Variants in CT55 observed in about 807,000 individuals in gnomAD.
CT55 encodes the protein BRCA2-interacting protein.
Under a neutral mutation model 12.6 loss-of-function variants are expected in CT55, and 1 was observed. The ratio of observed to expected loss-of-function variants is 0.08; its 90% confidence interval spans 0.03 to 0.38. CT55 has a LOEUF of 0.38. CT55 is among the 10% of genes least tolerant of loss of function. The pLI is 0.99. For missense variants in CT55, 109 were observed against 135.4 expected (o/e 0.80, Z 0.97); for synonymous variants, 43 against 49.7 (o/e 0.87, Z 0.57).
At chrX:135,162,731 T>A (rs1280665464) in intron 2 of CT55, among the ~76,000 whole-genome samples, 2 of 111,550 alleles carry the variant, frequency 1.8e-5, no homozygotes, top group African/African-American at 6.5e-5. Context: ...CCATGGCCCC[T>A]GACTCTCAGA....
chrX:135,160,301 C>T, intron 3 of CT55, 110 bp downstream of exon 3: 1 of 783,979 alleles, frequency 1.3e-6, no homozygotes, highest in Non-Finnish European at 1.8e-6. Flanking sequence ...CTACCTCTAA[C>T]ACTGAAGAGC....
intron 2 of CT55, among the ~76,000 whole-genome samples, chrX:135,161,661 T>C (rs1246531324): frequency 8.9e-6 from 1 of 112,399 alleles, no homozygotes; most frequent in Admixed American, 9.4e-5. Flanking sequence ...GACTTAACTA[T>C]AGGATAAAAT....
rs782006348 is a variant in CT55, at chrX:135,158,360, C to T, written c.425-49G>A. On this transcript the variant is annotated intron_variant, in intron 3 of 5. Coordinates refer to ENST00000276241, the MANE Select transcript of CT55 (RefSeq NM_001031705.3). ...GAGTGTCATGATCTCTTAACTAGGT[C>T]ACTTTTAATTTCACATGTTATTTGA... 6 of 781,710 alleles carry T rather than the reference C, an allele frequency of 7.7e-6. No homozygotes were observed. The East Asian group carries it at 1.3e-4, about 17-fold the overall frequency. 64.4% of individuals were successfully genotyped at this position (781,710 alleles called of 1,213,427 possible).
Position 135,171,187 on chromosome X carries a change from C to T in CT55, c.-16G>A, listed in dbSNP as rs1556406771. ...GCCTGAGCATCGTCCCAGTTGTCAC[C>T]ACCGGCCTGGGCACCGCTTGTGGCA... On this transcript the variant is annotated 5_prime_UTR_variant, in exon 1 of 6. Coordinates refer to ENST00000276241, the MANE Select transcript of CT55 (RefSeq NM_001031705.3). The T allele has an allele frequency of 8.3e-7, 1 of 1,210,850 alleles. No homozygotes were observed. The highest frequency in any genetic ancestry group is 1.8e-5 in the South Asian group (1 of 56,738).
At position 135,169,942 on chromosome X, in the gene CT55, T is replaced by C. The variant is rs140588631; in HGVS notation, c.95-164A>G. 3.2e-3 allele frequency among the ~76,000 whole-genome samples: 359 copies of C among 112,080 alleles called. 3 individuals are homozygous for C. Among genetic ancestry groups the C allele is most frequent in the African/African-American group, 0.011 (335 of 30,908 alleles). ...CCACAACAATCACAATTTCGCCTAA[T>C]AGGGTTGTTGTAGGTTTTTAAAATA... is the stretch of plus-strand genomic sequence containing the variant. On this transcript the variant is annotated intron_variant, in intron 1 of 5. Transcript: ENST00000276241.
At chrX:135,164,903 C>T (rs1303814365) in intron 2 of CT55, among the ~76,000 whole-genome samples, 2 of 111,756 alleles carry the variant, frequency 1.8e-5, no homozygotes, top group Admixed American at 9.5e-5. Flanking sequence ...AAAATATGCA[C>T]CCAACATAGC....
At chrX:135,163,916 A>G (rs556477444) in intron 2 of CT55, among the ~76,000 whole-genome samples, 1 of 110,688 alleles carries the variant, frequency 9.0e-6, no homozygotes. Context: ...TACTTTAGGA[A>G]CACAAGGAAA....
chrX:135,161,246 T>C (rs782022986), intron 2 of CT55, among the ~76,000 whole-genome samples: 1 of 111,830 alleles, frequency 8.9e-6, no homozygotes, highest in South Asian at 3.8e-4. Context: ...GGAAGTGTAA[T>C]AGTCCTTATT....
intron 2 of CT55, among the ~76,000 whole-genome samples, chrX:135,168,463 A>G (rs1214487251): frequency 1.8e-5 from 2 of 111,806 alleles, no homozygotes; most frequent in Admixed American, 1.9e-4. Flanking sequence ...CAGAGGAATG[A>G]GAAGATGTTG....
chrX:135,158,822 T>C (rs192844304), intron 3 of CT55, among the ~76,000 whole-genome samples: 14 of 112,470 alleles, frequency 1.2e-4, no homozygotes, highest in African/African-American at 4.2e-4. Flanking sequence ...TTGATATGTG[T>C]GATACGCACA....
chrX:135,160,365 CA>C, intron 3 of CT55, 45 bp downstream of exon 3: 2 of 1,115,376 alleles, frequency 1.8e-6, no homozygotes, highest in Non-Finnish European at 2.4e-6. Flanking sequence ...AAAATCCTCT[CA>C]AAAAATTAAG....
chrX:135,163,327 T>C (rs1569481935), intron 2 of CT55, among the ~76,000 whole-genome samples: 1 of 112,179 alleles, frequency 8.9e-6, no homozygotes, highest in African/African-American at 3.2e-5. Flanking sequence ...TACAGAGAAA[T>C]GATTCAGGAT....
intron 2 of CT55, among the ~76,000 whole-genome samples, chrX:135,166,979 G>A (rs1270295143): frequency 8.9e-6 from 1 of 112,310 alleles, no homozygotes; most frequent in East Asian, 2.8e-4. Context: ...TATATCATGT[G>A]TTCATGAACA....
chrX:135,160,583 C>CA, intron 2 of CT55, 28 bp from the exon 3 acceptor site: 8 of 1,167,357 alleles, frequency 6.9e-6, no homozygotes, highest in African/African-American at 1.8e-5. Flanking sequence ...GAGTTTACTT[C>CA]AAAAACAATA....
chrX:135,169,504 C>T (rs782442061), intron 2 of CT55, 90 bp downstream of exon 2: 20 of 720,779 alleles, frequency 2.8e-5, no homozygotes, highest in Non-Finnish European at 3.9e-5. Context: ...CGGATCACAG[C>T]AGAGATGTCG....
At chrX:135,164,287 T>C (rs782533285) in intron 2 of CT55, among the ~76,000 whole-genome samples, 23 of 112,068 alleles carry the variant, frequency 2.1e-4, no homozygotes, top group Non-Finnish European at 3.6e-4. Flanking sequence ...AATAGAAAAC[T>C]CAAAATCCCA....
At chrX:135,164,928 T>C (rs2083576900) in intron 2 of CT55, among the ~76,000 whole-genome samples, 1 of 111,910 alleles carries the variant, frequency 8.9e-6, no homozygotes, top group Non-Finnish European at 1.9e-5. Context: ...CCTAAATATA[T>C]GAAGCAGACA....
intron 4 of CT55, among the ~76,000 whole-genome samples, 192 bp downstream of exon 4, chrX:135,158,007 T>A (rs1319789324): frequency 5.1e-5 from 5 of 97,711 alleles, no homozygotes; most frequent in Admixed American, 1.2e-4. Flanking sequence ...TTGTTCTATA[T>A]AATTTTCTAA....
intron 2 of CT55, among the ~76,000 whole-genome samples, chrX:135,161,896 C>T (rs1556405239): frequency 8.9e-6 from 1 of 112,499 alleles, no homozygotes; most frequent in Non-Finnish European, 1.9e-5. Context: ...TCACCACTTC[C>T]GTCAGTATCC....
Sources: allele counts gnomAD v4.1 joint callset (sites outside exome capture counted in the v4.1 genomes callset), GRCh38; gene constraint gnomAD v4.1.1; transcripts MANE v1.5; gene names NCBI Gene and HGNC (gene_info 2026-07-23, HGNC 2026-07-21).